The following POPDC1 variants were observed in gnomAD, a reference collection of about 807,000 sequenced individuals.
POPDC1 encodes the protein popeye domain cAMP effector 1.
chr6:105,121,809 T>A, the POPDC1 span, among the ~76,000 whole-genome samples: 1 of 152,180 alleles, frequency 6.6e-6, no homozygotes, highest in Non-Finnish European at 1.5e-5. Flanking sequence ...TTCTCTTTCC[T>A]CCTTTTCATC....
the POPDC1 span, among the ~76,000 whole-genome samples, chr6:105,127,479 A>T: frequency 6.6e-6 from 1 of 152,006 alleles, no homozygotes; most frequent in Non-Finnish European, 1.5e-5. Context: ...TTGGAGATGG[A>T]GCTCGCTCTG....
At chr6:105,120,384 TAGAC>T in the POPDC1 span, among the ~76,000 whole-genome samples, 2 of 151,430 alleles carry the variant, frequency 1.3e-5, no homozygotes, top group African/African-American at 4.9e-5. Context: ...TTCTACCAAA[TAGAC>T]AGTTTATTTA....
At chr6:105,133,453 T>C in the POPDC1 span, 2 of 1,613,898 alleles carry the variant, frequency 1.2e-6, no homozygotes, top group East Asian at 4.5e-5. Context: ...AAAAACCAGA[T>C]GATGTATCTC....
At chr6:105,107,040 A>G in the POPDC1 span, among the ~76,000 whole-genome samples, 1 of 152,006 alleles carries the variant, frequency 6.6e-6, no homozygotes, top group African/African-American at 2.4e-5. Flanking sequence ...ACTAGGTCTT[A>G]TTCATTCTTT....
At chr6:105,124,623 T>A in the POPDC1 span, 1 of 1,612,044 alleles carries the variant, frequency 6.2e-7, no homozygotes, top group Non-Finnish European at 8.5e-7. Context: ...GTAAATGTTA[T>A]GCAGAAAATG....
At chr6:105,102,800 C>T in the POPDC1 span, among the ~76,000 whole-genome samples, 1 of 152,182 alleles carries the variant, frequency 6.6e-6, no homozygotes, top group Non-Finnish European at 1.5e-5. Context: ...TGGGGAAATG[C>T]TACCACCAGT....
chr6:105,108,766 C>T, the POPDC1 span, among the ~76,000 whole-genome samples: 2 of 152,226 alleles, frequency 1.3e-5, no homozygotes, highest in African/African-American at 4.8e-5. Flanking sequence ...CTGCCCACTA[C>T]TTGGTTCTAC....
At chr6:105,108,271 G>C in the POPDC1 span, among the ~76,000 whole-genome samples, 1 of 152,172 alleles carries the variant, frequency 6.6e-6, no homozygotes, top group Non-Finnish European at 1.5e-5. Context: ...TGGCAGCCAT[G>C]CAACAGCTCA....
At chr6:105,133,425 A>C in the POPDC1 span, 1 of 1,613,870 alleles carries the variant, frequency 6.2e-7, no homozygotes, top group South Asian at 1.1e-5. Flanking sequence ...CAACTGCAAA[A>C]CAAATATTTG....
At chr6:105,114,482 A>G in the POPDC1 span, among the ~76,000 whole-genome samples, 1 of 22,228 alleles carries the variant, frequency 4.5e-5, no homozygotes, top group South Asian at 1.5e-3. Flanking sequence ...CTAAAGGCAT[A>G]CAAAGTTACA....
At chr6:105,111,174 T>C in the POPDC1 span, among the ~76,000 whole-genome samples, 4 of 152,216 alleles carry the variant, frequency 2.6e-5, no homozygotes, top group African/African-American at 9.6e-5. Flanking sequence ...CTACATTGTC[T>C]TGTGATTTTA....
chr6:105,100,034 A>G, the POPDC1 span: 1 of 152,200 alleles, frequency 6.6e-6, no homozygotes, highest in Non-Finnish European at 1.5e-5. Flanking sequence ...TTCAGGTTTC[A>G]GAGCAGTTTA....
chr6:105,130,158 CAG>C, the POPDC1 span, among the ~76,000 whole-genome samples: 8 of 152,154 alleles, frequency 5.3e-5, no homozygotes, highest in Non-Finnish European at 7.4e-5. Context: ...TTCTGCCTTA[CAG>C]AGTTTTCATA....
the POPDC1 span, chr6:105,129,375 T>C: frequency 1.2e-6 from 2 of 1,601,256 alleles, no homozygotes; most frequent in South Asian, 1.1e-5. Flanking sequence ...ATTTTAATAA[T>C]TACCGGTCTC....
chr6:105,114,968 G>A, the POPDC1 span, among the ~76,000 whole-genome samples: 1 of 152,218 alleles, frequency 6.6e-6, no homozygotes, highest in Admixed American at 6.5e-5. Flanking sequence ...AAACATTTCT[G>A]GGTCTAGGCT....
chr6:105,114,261 C>T, the POPDC1 span, among the ~76,000 whole-genome samples: 1 of 152,166 alleles, frequency 6.6e-6, no homozygotes, highest in East Asian at 1.9e-4. Context: ...CCTGTATGAG[C>T]TTTTAACACA....
the POPDC1 span, among the ~76,000 whole-genome samples, chr6:105,129,206 G>A: frequency 3.6e-5 from 5 of 139,608 alleles, no homozygotes; most frequent in South Asian, 2.5e-4. Flanking sequence ...AACAAATTTC[G>A]TGGTACTAAA....
chr6:105,121,334 C>T, the POPDC1 span, among the ~76,000 whole-genome samples: 1 of 148,926 alleles, frequency 6.7e-6, no homozygotes, highest in South Asian at 2.1e-4. Context: ...GGTGTGATCT[C>T]GGCTCACTGC....
At chr6:105,122,865 G>T in the POPDC1 span, among the ~76,000 whole-genome samples, 2 of 152,204 alleles carry the variant, frequency 1.3e-5, no homozygotes, top group Middle Eastern at 3.2e-3. Flanking sequence ...CTTCTGCATT[G>T]TAAGTCCAGC....
Sources: gnomAD v4.1 joint callset for allele counts (sites outside exome capture counted in the v4.1 genomes callset) on GRCh38, gnomAD v4.1.1 for gene constraint, MANE v1.5 for transcripts, NCBI Gene and HGNC (gene_info 2026-07-23, HGNC 2026-07-21) for gene names.